DGLUCY: variants seen among roughly 807,000 people sequenced by gnomAD.
DGLUCY encodes the protein D-glutamate cyclase, mitochondrial.
DGLUCY carries 58 observed loss-of-function variants against 58.5 expected under a neutral mutation model. That is an observed-to-expected ratio of 0.99 (90% confidence interval 0.80 to 1.23). DGLUCY has a LOEUF of 1.23. DGLUCY is among the 50% of genes most tolerant of loss of function. DGLUCY has a pLI of 0.00. For synonymous variants in DGLUCY, 325 were observed against 314.1 expected (o/e 1.03, Z -0.37); for missense variants, 779 against 784.7 (o/e 0.99, Z 0.09).
intron 8 of DGLUCY, among the ~76,000 whole-genome samples, 171 bp downstream of exon 8, chr14:91,181,560 C>A (rs763921978): frequency 6.6e-5 from 10 of 152,124 alleles, no homozygotes; most frequent in Non-Finnish European, 1.0e-4. Flanking sequence ...ATTAAATACA[C>A]CAAAATACTG....
At chr14:91,217,143 C>T (rs533875268) in intron 13 of DGLUCY, among the ~76,000 whole-genome samples, 6 of 152,206 alleles carry the variant, frequency 3.9e-5, no homozygotes, top group East Asian at 1.9e-4. Flanking sequence ...CAGTGCTTAA[C>T]GGGACACCTA....
chr14:91,166,805 A>G (rs1269826420), intron 3 of DGLUCY, among the ~76,000 whole-genome samples: 1 of 152,090 alleles, frequency 6.6e-6, no homozygotes, highest in Non-Finnish European at 1.5e-5. Flanking sequence ...GCCACTTTAA[A>G]AAAATCACAG....
chr14:91,178,170 C>T (rs1566986302), intron 7 of DGLUCY, among the ~76,000 whole-genome samples: 1 of 151,166 alleles, frequency 6.6e-6, no homozygotes, highest in Non-Finnish European at 1.5e-5. Flanking sequence ...TCTCAAATTC[C>T]CTTTTTTTTT....
At chr14:91,130,514 G>A (rs2045969542) in intron 1 of DGLUCY, among the ~76,000 whole-genome samples, 1 of 151,930 alleles carries the variant, frequency 6.6e-6, no homozygotes. Context: ...CACCATATGG[G>A]CCAGGATGGT....
At chr14:91,200,295 G>C (rs149370396) in intron 11 of DGLUCY, among the ~76,000 whole-genome samples, 9 of 152,256 alleles carry the variant, frequency 5.9e-5, no homozygotes, top group African/African-American at 2.2e-4. Flanking sequence ...CGACCAGAAA[G>C]AGTTATGTGG....
chr14:91,184,275 G>C (rs1277914122), intron 8 of DGLUCY, among the ~76,000 whole-genome samples: 1 of 152,000 alleles, frequency 6.6e-6, no homozygotes, highest in Non-Finnish European at 1.5e-5. Context: ...TGACAGTGCA[G>C]ACCAGCCCTA....
At chr14:91,132,334 G>T (rs1566956657) in intron 1 of DGLUCY, among the ~76,000 whole-genome samples, 1 of 152,180 alleles carries the variant, frequency 6.6e-6, no homozygotes, top group South Asian at 2.1e-4. Flanking sequence ...GAAAGTAAAG[G>T]TGGGAGGATC....
chr14:91,085,645 C>G (rs2044204975), intron 1 of DGLUCY, among the ~76,000 whole-genome samples: 1 of 151,256 alleles, frequency 6.6e-6, no homozygotes, highest in South Asian at 2.1e-4. Context: ...TCTCAGCTCA[C>G]TGCAACCTCC....
At chr14:91,125,961 A>G (rs1333566926) in intron 1 of DGLUCY, among the ~76,000 whole-genome samples, 4 of 152,106 alleles carry the variant, frequency 2.6e-5, no homozygotes, top group Non-Finnish European at 2.9e-5. Flanking sequence ...AAACAAATTC[A>G]AAGGATAACT....
At chr14:91,060,392 T>C (rs751292340) in exon 1 of DGLUCY, 3 of 1,509,784 alleles carry the variant, frequency 2.0e-6, no homozygotes, top group South Asian at 2.5e-5. Context: ...CCGTCCGCGC[T>C]GGTCCCCGCG....
chr14:91,199,723 G>A, intron 10 of DGLUCY, 34 bp from the exon 11 acceptor site: 2 of 1,611,556 alleles, frequency 1.2e-6, no homozygotes, highest in Middle Eastern at 1.7e-4. Context: ...CTCTCCATAG[G>A]ACCCTCTGAC....
chr14:91,224,371 ACAAT>A (rs972130432), intron 13 of DGLUCY, among the ~76,000 whole-genome samples: 1 of 152,178 alleles, frequency 6.6e-6, no homozygotes, highest in African/African-American at 2.4e-5. Context: ...CTAAAAACGG[ACAAT>A]CAAACTAAGA....
At chr14:91,137,612 G>T (rs2046418977) in intron 1 of DGLUCY, among the ~76,000 whole-genome samples, 1 of 151,336 alleles carries the variant, frequency 6.6e-6, no homozygotes, top group Non-Finnish European at 1.5e-5. Flanking sequence ...GGCCAGGATG[G>T]TCTTGATCTC....
At chr14:91,220,061 C>G (rs2140779273) in intron 13 of DGLUCY, among the ~76,000 whole-genome samples, 2 of 152,362 alleles carry the variant, frequency 1.3e-5, no homozygotes, top group Non-Finnish European at 2.9e-5. Context: ...TAGGGCCACT[C>G]TCTTCCCTGT....
At chr14:91,172,013 GA>G (rs1038866344) in intron 5 of DGLUCY, among the ~76,000 whole-genome samples, 1 of 151,896 alleles carries the variant, frequency 6.6e-6, no homozygotes, top group African/African-American at 2.4e-5. Context: ...TATTGGATGG[GA>G]AAAAAAGTAC....
intron 1 of DGLUCY, among the ~76,000 whole-genome samples, chr14:91,150,218 CA>C (rs71120121): frequency 0.42 from 26,861 of 63,318 alleles, 2,928 homozygotes; most frequent in South Asian, 0.52. Context: ...GACTCCATCT[CA>C]AAAAAAAAAA....
chr14:91,149,235 G>A (rs189961166), intron 1 of DGLUCY, among the ~76,000 whole-genome samples: 305 of 146,188 alleles, frequency 2.1e-3, no homozygotes, highest in Non-Finnish European at 3.5e-3. Flanking sequence ...CAACAAGAGC[G>A]AAACTCTATC....
chr14:91,196,610 T>C, intron 10 of DGLUCY, 136 bp downstream of exon 10: 2 of 681,898 alleles, frequency 2.9e-6, no homozygotes, highest in South Asian at 3.6e-5. Context: ...TGGGTTCTCA[T>C]GGACCAGACT....
At chr14:91,067,881 C>G (rs1026482741) in intron 1 of DGLUCY, among the ~76,000 whole-genome samples, 4 of 152,074 alleles carry the variant, frequency 2.6e-5, no homozygotes, top group African/African-American at 9.7e-5. Flanking sequence ...ATTTTTGACC[C>G]TGTCAGTACC....
Sources: allele counts gnomAD v4.1 joint callset (sites outside exome capture counted in the v4.1 genomes callset), GRCh38; gene constraint gnomAD v4.1.1; transcripts MANE v1.5; gene names NCBI Gene and HGNC (gene_info 2026-07-23, HGNC 2026-07-21).